The following FAAH2 variants were observed in gnomAD, a reference collection of about 807,000 sequenced individuals.
FAAH2 encodes fatty acid amide hydrolase 2, also known as fatty-acid amide hydrolase 2.
In FAAH2, 60 loss-of-function variants were observed where a neutral mutation model predicts 36.9. The ratio of observed to expected loss-of-function variants is 1.63; its 90% confidence interval spans 1.32 to 2.02. The LOEUF (loss-of-function observed/expected upper bound fraction) is 2.02. FAAH2 is among the 30% of genes most tolerant of loss of function. The probability of loss-of-function intolerance (pLI) is 0.00; values close to 1 mark genes in which losing one functional copy is unlikely to be tolerated. For synonymous variants in FAAH2, 214 were observed against 143.8 expected, an observed-to-expected ratio of 1.49 and a Z score of -3.49; for missense variants, 689 against 397.5, an observed-to-expected ratio of 1.73 and a Z score of -6.23.
intron 5 of FAAH2, among the ~76,000 whole-genome samples, chrX:57,375,044 A>G (rs985051191): frequency 9.0e-6 from 1 of 110,927 alleles, no homozygotes; most frequent in East Asian, 2.8e-4. Context: ...TTTCTATTAA[A>G]TGATCCCTGC....
At chrX:57,166,943 A>C in the FAAH2 span, among the ~76,000 whole-genome samples, 82 of 111,936 alleles carry the variant, frequency 7.3e-4, no homozygotes, top group African/African-American at 2.6e-3. Context: ...CAGTCGTTAC[A>C]CTTCGGTGGA....
In FAAH2 at chrX:57,315,862, C is replaced by A. The variant is rs373388977; in HGVS notation, c.412+5133C>A. Among the ~76,000 whole-genome samples the A allele has an allele frequency of 3.6e-5, 4 of 110,686 alleles. No homozygotes were observed. In the East Asian group the frequency reaches 8.6e-4, roughly 24 times the overall value. ...TGAGATCTGAAACAAGGAAAGAGTG[C>A]CCACTCTCACTACTCCTATTTGACA... is the stretch of plus-strand genomic sequence containing the variant. On this transcript the variant is annotated intron_variant, in intron 3 of 10. Transcript: ENST00000374900.
chrX:57,349,416 CAT>C (rs1427033449), intron 5 of FAAH2, among the ~76,000 whole-genome samples: 4 of 90,792 alleles, frequency 4.4e-5, no homozygotes, highest in African/African-American at 1.2e-4. Flanking sequence ...TGTATATACA[CAT>C]ATATACATAT....
At chrX:57,174,902 G>A in the FAAH2 span, among the ~76,000 whole-genome samples, 1 of 111,560 alleles carries the variant, frequency 9.0e-6, no homozygotes, top group South Asian at 3.7e-4. Context: ...AGTTCCTGTT[G>A]GAATTGATTT....
At chrX:57,340,189 G>A (rs1277740346) in intron 4 of FAAH2, among the ~76,000 whole-genome samples, 2 of 111,917 alleles carry the variant, frequency 1.8e-5, no homozygotes, top group Non-Finnish European at 3.8e-5. Context: ...TTTGAGGACA[G>A]GAAGCATGCA....
intron 5 of FAAH2, among the ~76,000 whole-genome samples, chrX:57,353,881 G>C (rs2054093925): frequency 9.0e-6 from 1 of 111,030 alleles, no homozygotes; most frequent in Non-Finnish European, 1.9e-5. Flanking sequence ...AGAAATGCAA[G>C]TCAAAACCAA....
the FAAH2 span, among the ~76,000 whole-genome samples, chrX:57,129,606 A>G: frequency 8.9e-6 from 1 of 112,561 alleles, no homozygotes; most frequent in African/African-American, 3.2e-5. Flanking sequence ...TAATTTCTTC[A>G]AAGTTATTTT....
chrX:57,160,974 C>G, the FAAH2 span, among the ~76,000 whole-genome samples: 2 of 112,029 alleles, frequency 1.8e-5, no homozygotes, highest in South Asian at 7.4e-4. Flanking sequence ...TTAGATCTTT[C>G]CTGCTTTCTG....
At chrX:57,221,056 C>A in the FAAH2 span, among the ~76,000 whole-genome samples, 181 of 111,574 alleles carry the variant, frequency 1.6e-3, 2 homozygotes, top group South Asian at 0.065. Flanking sequence ...AGGAACCACC[C>A]AGTCCTCCCA....
the FAAH2 span, among the ~76,000 whole-genome samples, chrX:57,128,220 G>A: frequency 9.0e-6 from 1 of 111,199 alleles, no homozygotes; most frequent in East Asian, 2.8e-4. Flanking sequence ...AACGTTACCC[G>A]TGCTGATGTA....
At chrX:57,129,465 T>C in the FAAH2 span, among the ~76,000 whole-genome samples, 97 of 112,353 alleles carry the variant, frequency 8.6e-4, 1 homozygote, top group African/African-American at 3.0e-3. Context: ...TGTACTTACA[T>C]AAATTATAAT....
the FAAH2 span, among the ~76,000 whole-genome samples, chrX:57,185,493 T>C: frequency 0.031 from 2,812 of 91,984 alleles, 31 homozygotes; most frequent in Admixed American, 0.049. Flanking sequence ...TGTCTCTGTG[T>C]GTGTGTGTGT....
intron 7 of FAAH2, among the ~76,000 whole-genome samples, chrX:57,385,092 G>A: frequency 9.1e-6 from 1 of 109,819 alleles, no homozygotes; most frequent in Non-Finnish European, 1.9e-5. Flanking sequence ...AGAATACTTG[G>A]ACACAGGAAG....
chrX:57,434,073 A>G, intron 8 of FAAH2, among the ~76,000 whole-genome samples: 1 of 109,219 alleles, frequency 9.2e-6, no homozygotes, highest in Non-Finnish European at 1.9e-5. Context: ...GGCTTAATGA[A>G]ATTAAATTGA....
chrX:57,349,713 TAAG>T (rs1426836702), intron 5 of FAAH2, among the ~76,000 whole-genome samples: 1 of 107,896 alleles, frequency 9.3e-6, no homozygotes, highest in Non-Finnish European at 1.9e-5. Context: ...TGGACAAAAA[TAAG>T]AGAACAAAGA....
At chrX:57,262,182 C>T in the FAAH2 span, among the ~76,000 whole-genome samples, 2 of 110,976 alleles carry the variant, frequency 1.8e-5, no homozygotes, top group Non-Finnish European at 3.8e-5. Context: ...GGTGGCAGAC[C>T]AGCTCGGACT....
At chrX:57,476,214 C>T (rs2057264302) in intron 10 of FAAH2, among the ~76,000 whole-genome samples, 1 of 111,251 alleles carries the variant, frequency 9.0e-6, no homozygotes, top group African/African-American at 3.3e-5. Flanking sequence ...ATTTCCCTGG[C>T]CAGAACTTCC....
chrX:57,124,987 A>G, the FAAH2 span, among the ~76,000 whole-genome samples: 4 of 112,281 alleles, frequency 3.6e-5, no homozygotes, highest in African/African-American at 1.3e-4. Flanking sequence ...CTAATTGAAT[A>G]CACTTCATTT....
chrX:57,452,286 A>T (rs746012293), intron 10 of FAAH2: 8 of 753,478 alleles, frequency 1.1e-5, no homozygotes, highest in Middle Eastern at 7.6e-4. Context: ...CCAGCATTAG[A>T]GTGAAACTCA....
Sources: allele counts gnomAD v4.1 joint callset (sites outside exome capture counted in the v4.1 genomes callset), GRCh38; gene constraint gnomAD v4.1.1; transcripts MANE v1.5; gene names NCBI Gene and HGNC (gene_info 2026-07-23, HGNC 2026-07-21).